CD24: variants seen among roughly 807,000 people sequenced by gnomAD.
CD24 encodes CD24 molecule.
A neutral mutation model predicts 3.6 loss-of-function variants in CD24; 2 were observed. The ratio of observed to expected loss-of-function variants is 0.56; its 90% CI spans 0.23 to 1.77. The LOEUF is 1.77. Among genes scored for constraint, CD24 ranks in the 40% most tolerant of loss-of-function variants. CD24 has a pLI of 0.18. For missense variants in CD24, 62 were observed against 93.6 expected (o/e 0.66, Z 1.39); for synonymous variants, 33 against 44.9 (o/e 0.74, Z 1.06).
chr6:106,972,824 G>T (rs921708357), intron 1 of CD24, among the ~76,000 whole-genome samples: 482 of 152,218 alleles, frequency 3.2e-3, no homozygotes, highest in Middle Eastern at 0.014. Context: ...GTGTACATTT[G>T]GCTGCCTATT....
chr6:106,973,260 A>C (rs1773016630), intron 1 of CD24: 1 of 164,632 alleles, frequency 6.1e-6, no homozygotes, highest in Admixed American at 6.4e-5. Flanking sequence ...ACTGACACTA[A>C]ACAAAATTTT....
chr6:106,972,218 C>CA (rs1379992990), intron 1 of CD24, among the ~76,000 whole-genome samples: 6 of 152,058 alleles, frequency 3.9e-5, no homozygotes, highest in South Asian at 2.1e-4. Context: ...TAAAGTTGCA[C>CA]AAAAAAATGG....
Position 106,974,711 on chromosome 6 carries a change from G to C in CD24, c.-65C>G, listed in dbSNP as rs986113953. On this transcript the variant is annotated 5_prime_UTR_variant, in exon 1 of 2. Transcript: ENST00000606017. ...GGGTGCTTGGAGAACCGCTGGCTCC[G>C]GGCGGGCGCAGGCAAGGTGGGGAGC... The C allele has an allele frequency of 7.5e-6, 11 of 1,467,258 alleles. No individual in the cohort carries two copies. The East Asian group carries it at 2.1e-4, about 28-fold the overall frequency. The allele number at this position is 1,467,258 out of a possible 1,614,324, so 90.9% of individuals were successfully genotyped here.
At chr6:106,974,758 A>T, upstream of CD24, 1 of 1,131,772 alleles carries the variant, frequency 8.8e-7, no homozygotes, top group Non-Finnish European at 1.2e-6. Context: ...GCGAGACCTT[A>T]TATACCAGGA....
In CD24 at chr6:106,973,957, G is replaced by A. The variant is rs1773037824; in HGVS notation, c.69+621C>T. On this transcript the variant is annotated intron_variant, in intron 1 of 1. Transcript: ENST00000606017. ...TCCTAAGATGACAAGCGATGGACGT[G>A]AAAGGTTGCCTCGCAGAGAGCGCAG... The A allele has an allele frequency of 1.0e-5, 4 of 398,404 alleles. 1 individual carries two copies. In the South Asian group the frequency reaches 3.9e-4, roughly 38 times the overall value. The allele number at this position is 398,404 out of a possible 1,614,324, so 24.7% of individuals were successfully genotyped here. A position where few individuals can be genotyped will look rare whatever the true frequency, so the allele number is the denominator to read the frequency against.
At chr6:106,976,058 G>A (rs1773104146), upstream of CD24, among the ~76,000 whole-genome samples, 1 of 152,206 alleles carries the variant, frequency 6.6e-6, no homozygotes, top group African/African-American at 2.4e-5. Flanking sequence ...AGTATTTTGA[G>A]TTTAAATTTT....
At chr6:106,971,969 C>T (rs979510021) in intron 1 of CD24, 135 bp from the exon 2 acceptor site, 2 of 644,656 alleles carry the variant, frequency 3.1e-6, no homozygotes, top group African/African-American at 3.7e-5. Context: ...ACATCATTAA[C>T]TTCTGAATTC....
chr6:106,974,524 C>A, intron 1 of CD24, 54 bp downstream of exon 1: 2 of 1,125,494 alleles, frequency 1.8e-6, no homozygotes, highest in South Asian at 1.7e-5. Context: ...GTCCATCTCC[C>A]CTGCCCCCAC....
chr6:106,976,244 T>G (rs1773106741), upstream of CD24, among the ~76,000 whole-genome samples: 1 of 152,244 alleles, frequency 6.6e-6, no homozygotes, highest in African/African-American at 2.4e-5. Flanking sequence ...AATACTTTTA[T>G]TTAAGGTTTA....
chr6:106,975,521 G>C (rs1380312660), upstream of CD24: 1 of 152,266 alleles, frequency 6.6e-6, no homozygotes, highest in Admixed American at 6.5e-5. Flanking sequence ...TGAGCGCCTC[G>C]TGTCAGCCAG....
chr6:106,973,399 C>T (rs1773020089), intron 1 of CD24: 1 of 360,810 alleles, frequency 2.8e-6, no homozygotes, highest in Admixed American at 4.6e-5. Flanking sequence ...GCGCCCCTCC[C>T]CCATCAAAGA....
At position 106,974,691 on chromosome 6, in the gene CD24, C is replaced by T. The variant is rs1773062683; in HGVS notation, c.-45G>A. ...GGCGCGTCTAGCAGGATGCTGGGTG[C>T]TTGGAGAACCGCTGGCTCCGGGCGG... is the stretch of plus-strand genomic sequence containing the variant. On this transcript the variant is annotated 5_prime_UTR_variant, in exon 1 of 2. Coordinates refer to ENST00000606017, the MANE Select transcript of CD24 (RefSeq NM_001359084.1). The T allele has an allele frequency of 2.0e-6, 3 of 1,482,998 alleles. No homozygotes were observed. The highest frequency in any genetic ancestry group is 2.7e-6 in the Non-Finnish European group (3 of 1,122,396). The allele number at this position is 1,482,998 out of a possible 1,614,324, so 91.9% of individuals were successfully genotyped here. A position where few individuals can be genotyped will look rare whatever the true frequency, so the allele number is the denominator to read the frequency against.
In CD24 at chr6:106,971,955, C is replaced by A. The variant is rs1228985472; in HGVS notation, c.70-121G>T. On this transcript the variant is annotated intron_variant, in intron 1 of 1. Transcript: ENST00000606017. Reference sequence around the variant, plus strand: ...TTGCTCTCTTACCATTGTTCTCTTACCCAACATCATTAACTTCTGAATTCT... The same window carrying A: ...TTGCTCTCTTACCATTGTTCTCTTAACCAACATCATTAACTTCTGAATTCT... 5 of 681,962 alleles carry A rather than the reference C, an allele frequency of 7.3e-6. No homozygotes were observed. The East Asian group carries it at 1.4e-4, about 20-fold the overall frequency. 42.2% of individuals were successfully genotyped at this position (681,962 alleles called of 1,614,324 possible). A position where few individuals can be genotyped will look rare whatever the true frequency, so the allele number is the denominator to read the frequency against.
At chr6:106,973,068 G>A (rs1043064282) in intron 1 of CD24, among the ~76,000 whole-genome samples, 76 of 152,198 alleles carry the variant, frequency 5.0e-4, no homozygotes, top group Admixed American at 5.0e-3. Context: ...GCATTAATAT[G>A]GTAATTTACT....
intron 1 of CD24, among the ~76,000 whole-genome samples, 155 bp from the exon 2 acceptor site, chr6:106,971,989 C>G (rs1387335685): frequency 6.6e-6 from 1 of 152,176 alleles, no homozygotes; most frequent in Non-Finnish European, 1.5e-5. Context: ...CTTGCTCAAC[C>G]CACCAAGGTC....
At chr6:106,976,019 A>T (rs1477579718), upstream of CD24, among the ~76,000 whole-genome samples, 1 of 152,260 alleles carries the variant, frequency 6.6e-6, no homozygotes, top group Non-Finnish European at 1.5e-5. Flanking sequence ...TCAAGCATAC[A>T]ACAAAAGTTG....
chr6:106,973,935 T>C (rs1773037478), intron 1 of CD24: 2 of 398,352 alleles, frequency 5.0e-6, no homozygotes, highest in African/African-American at 2.1e-5. Flanking sequence ...ATGGGGATCC[T>C]AAGATGACAA....
chr6:106,976,029 G>C (rs910969944), upstream of CD24, among the ~76,000 whole-genome samples: 1 of 152,200 alleles, frequency 6.6e-6, no homozygotes, highest in South Asian at 2.1e-4. Context: ...AACAAAAGTT[G>C]AAGTAATTTT....
rs916861035 is a variant in CD24 at position 106,973,969 on chromosome 6, C to A, written c.69+609G>T. ...AAGCGATGGACGTGAAAGGTTGCCT[C>A]GCAGAGAGCGCAGCGTCAGGAGAGG... is the stretch of plus-strand genomic sequence containing the variant. On this transcript the variant is annotated intron_variant, in intron 1 of 1. Coordinates refer to ENST00000606017, the MANE Select transcript of CD24 (RefSeq NM_001359084.1). The A allele has an allele frequency of 1.7e-4, 69 of 398,224 alleles. 1 individual carries two copies. Among genetic ancestry groups the A allele is most frequent in the African/African-American group, 1.3e-3 (62 of 48,768 alleles). The allele number at this position is 398,224 out of a possible 1,614,324, so 24.7% of individuals were successfully genotyped here.
Sources: gnomAD v4.1 joint callset for allele counts (sites outside exome capture counted in the v4.1 genomes callset) on GRCh38, gnomAD v4.1.1 for gene constraint, MANE v1.5 for transcripts, NCBI Gene and HGNC (gene_info 2026-07-23, HGNC 2026-07-21) for gene names.